Variants in RIN2 observed in about 807,000 individuals in gnomAD.
RIN2 encodes the protein Ras and Rab interactor 2, also known as RAB5 interacting protein 2.
Under a neutral mutation model 78.0 loss-of-function variants are expected in RIN2, and 36 were observed. The observed-to-expected ratio is 0.46, with a 90% CI of 0.35 to 0.61. The LOEUF is 0.61. RIN2 is among the 20% of genes least tolerant of loss of function. The pLI is 0.00. For synonymous variants in RIN2, 466 were observed against 466.8 expected (o/e 1.00, Z 0.02); for missense variants, 1,087 against 1,159.7 (o/e 0.94, Z 0.91).
intron 9 of RIN2, among the ~76,000 whole-genome samples, chr20:19,979,449 G>A (rs2042378231): frequency 6.6e-6 from 1 of 152,134 alleles, no homozygotes; most frequent in Non-Finnish European, 1.5e-5. Flanking sequence ...ATATTTCAAA[G>A]GTCACTTCGA....
At chr20:19,856,507 T>G (rs1600633761) in intron 2 of RIN2, among the ~76,000 whole-genome samples, 3 of 137,674 alleles carry the variant, frequency 2.2e-5, no homozygotes, top group Admixed American at 7.8e-5. Flanking sequence ...TACTCCAGGC[T>G]GGGAGAGAGA....
At chr20:19,897,399 G>A (rs868188981) in intron 3 of RIN2, among the ~76,000 whole-genome samples, 7 of 152,058 alleles carry the variant, frequency 4.6e-5, no homozygotes, top group South Asian at 2.1e-4. Flanking sequence ...GAGTGTCACC[G>A]CACCCAGCCA....
At chr20:19,863,890 G>A (rs2037419247) in intron 2 of RIN2, among the ~76,000 whole-genome samples, 1 of 151,906 alleles carries the variant, frequency 6.6e-6, no homozygotes, top group Non-Finnish European at 1.5e-5. Flanking sequence ...ACACTGCTCT[G>A]GGAAACCCCA....
At chr20:19,914,539 T>G (rs964451713) in intron 3 of RIN2, among the ~76,000 whole-genome samples, 1 of 152,204 alleles carries the variant, frequency 6.6e-6, no homozygotes, top group Non-Finnish European at 1.5e-5. Context: ...ATCGATGTGT[T>G]AATCAATTGC....
At chr20:19,981,106 G>A (rs973642770) in intron 9 of RIN2, among the ~76,000 whole-genome samples, 2 of 152,174 alleles carry the variant, frequency 1.3e-5, no homozygotes, top group African/African-American at 4.8e-5. Context: ...GCCTTGGGAG[G>A]CTCCATTTAT....
chr20:19,896,939 G>A (rs1454458682), intron 3 of RIN2, among the ~76,000 whole-genome samples: 1 of 152,056 alleles, frequency 6.6e-6, no homozygotes, highest in Non-Finnish European at 1.5e-5. Context: ...ATATAAAAAA[G>A]TATTAATCAG....
intron 2 of RIN2, among the ~76,000 whole-genome samples, chr20:19,847,322 T>C (rs952398008): frequency 2.6e-5 from 4 of 152,246 alleles, no homozygotes; most frequent in Non-Finnish European, 4.4e-5. Flanking sequence ...ACTGTCAGTT[T>C]AGGCCACAGT....
intron 4 of RIN2, among the ~76,000 whole-genome samples, chr20:19,944,396 C>T (rs989733199): frequency 3.9e-5 from 6 of 152,128 alleles, no homozygotes; most frequent in Admixed American, 2.6e-4. Flanking sequence ...ATTTGTGTTC[C>T]TTTTGATACA....
rs1057005839 is a variant in RIN2 at position 19,855,428 on chromosome 20, A to G, written c.-36-34138A>G. ...ATTAGGGAGGATTCCCTCTTTTTCTATTGATTGGAATAGTTTCAGAAGGAA... is the reference window on the plus strand; with the variant it reads ...ATTAGGGAGGATTCCCTCTTTTTCTGTTGATTGGAATAGTTTCAGAAGGAA... On this transcript the variant is annotated intron_variant, in intron 2 of 12. Transcript: ENST00000255006. 8.7e-4 allele frequency among the ~76,000 whole-genome samples: 133 copies of G among 152,066 alleles called. 1 individual carries two copies. The highest frequency in any genetic ancestry group is 3.8e-4 in the Non-Finnish European group (26 of 68,016).
chr20:19,858,972 G>A (rs1410307611), intron 2 of RIN2, among the ~76,000 whole-genome samples: 1 of 152,228 alleles, frequency 6.6e-6, no homozygotes, highest in South Asian at 2.1e-4. Flanking sequence ...ATTTCTTAAA[G>A]TAGCTTCAGA....
At chr20:19,867,800 T>C (rs1449813363) in intron 2 of RIN2, among the ~76,000 whole-genome samples, 1 of 152,034 alleles carries the variant, frequency 6.6e-6, no homozygotes, top group Non-Finnish European at 1.5e-5. Context: ...ATTTTAAGAG[T>C]TGTGGTTTGT....
intron 7 of RIN2, among the ~76,000 whole-genome samples, chr20:19,969,134 T>C (rs1360856266): frequency 2.0e-5 from 3 of 152,358 alleles, no homozygotes; most frequent in Middle Eastern, 3.4e-3. Context: ...TGTTATTCAT[T>C]GTTAACAGCT....
chr20:19,870,572 A>G (rs1470543507), intron 2 of RIN2, among the ~76,000 whole-genome samples: 1 of 152,216 alleles, frequency 6.6e-6, no homozygotes, highest in Middle Eastern at 3.2e-3. Context: ...ACTTGAACCC[A>G]GGAGGCAGAG....
chr20:19,827,725 T>C (rs948968111), intron 2 of RIN2, among the ~76,000 whole-genome samples: 3 of 152,156 alleles, frequency 2.0e-5, no homozygotes, highest in Admixed American at 6.5e-5. Context: ...CTCCTCTTCC[T>C]GTCTTACAGC....
intron 2 of RIN2, among the ~76,000 whole-genome samples, chr20:19,825,419 G>A (rs2036060443): frequency 6.6e-6 from 1 of 152,174 alleles, no homozygotes; most frequent in Non-Finnish European, 1.5e-5. Context: ...GGCAGATGGA[G>A]CCTCGCTTTC....
At chr20:19,793,842 C>T (rs1291672782) in intron 1 of RIN2, among the ~76,000 whole-genome samples, 1 of 152,144 alleles carries the variant, frequency 6.6e-6, no homozygotes, top group Middle Eastern at 3.2e-3. Context: ...CCCATGGTAG[C>T]TACTGACGCA....
At chr20:19,929,052 A>C (rs1239405668) in intron 3 of RIN2, among the ~76,000 whole-genome samples, 1 of 152,136 alleles carries the variant, frequency 6.6e-6, no homozygotes, top group Non-Finnish European at 1.5e-5. Flanking sequence ...TGTTTGATGT[A>C]AGAACCATGG....
At chr20:19,803,236 T>A (rs2035303699) in intron 2 of RIN2, among the ~76,000 whole-genome samples, 1 of 152,200 alleles carries the variant, frequency 6.6e-6, no homozygotes, top group South Asian at 2.1e-4. Flanking sequence ...AGCCTGATAA[T>A]AATAAGGATA....
At chr20:19,759,372 A>C (rs1287456692) in intron 1 of RIN2, among the ~76,000 whole-genome samples, 1 of 152,140 alleles carries the variant, frequency 6.6e-6, no homozygotes. Context: ...GACCAAAAGG[A>C]CTGTAAATAC....
Sources: allele counts gnomAD v4.1 joint callset (sites outside exome capture counted in the v4.1 genomes callset), GRCh38; gene constraint gnomAD v4.1.1; transcripts MANE v1.5; gene names NCBI Gene and HGNC (gene_info 2026-07-23, HGNC 2026-07-21).